The following PCDHGA2 variants were observed in gnomAD, a reference collection of about 807,000 sequenced individuals.
The protein encoded by PCDHGA2 is protocadherin gamma subfamily A, 2.
Under a neutral mutation model 59.2 loss-of-function variants are expected in PCDHGA2, and 40 were observed. The observed-to-expected ratio is 0.68, with a 90% confidence interval of 0.52 to 0.88. PCDHGA2 has a LOEUF of 0.88. Ranked by LOEUF, PCDHGA2 falls within the 40% of genes least tolerant of loss-of-function variation. The pLI, the probability that PCDHGA2 is intolerant of heterozygous loss-of-function variation, is 0.00. For missense variants in PCDHGA2, 1,226 were observed against 1,204.0 expected, an observed-to-expected ratio of 1.02 and a Z score of -0.27; for synonymous variants, 560 against 526.0, an observed-to-expected ratio of 1.06 and a Z score of -0.89.
chr5:141,423,594 C>A, intron 1 of PCDHGA2: 1 of 1,599,308 alleles, frequency 6.3e-7, no homozygotes, highest in South Asian at 1.1e-5. Context: ...GTGAGAAAAG[C>A]GAGCCACTCT....
Position 141,489,214 on chromosome 5 carries a change from T to TA in PCDHGA2, c.2425-5592dup, listed in dbSNP as rs771766565. On this transcript the variant is annotated intron_variant, in intron 1 of 3. Transcript: ENST00000394576. This position sits in a 1 kb window ranked among gnomAD's most constrained non-coding sequence, Gnocchi z 4.5. ...CCTTGGAGACAGGACAGCACAGACTTACTCTCCACAAAGGGACTTCTGGGT... is the reference window on the plus strand; with the variant it reads ...CCTTGGAGACAGGACAGCACAGACTTAACTCTCCACAAAGGGACTTCTGGGT... 216 of 1,480,534 alleles carry TA rather than the reference T, an allele frequency of 1.5e-4. 4 individuals are homozygous for TA. The South Asian group carries it at 2.1e-3, about 14-fold the overall frequency. 91.7% of individuals were successfully genotyped at this position (1,480,534 alleles called of 1,614,324 possible).
intron 1 of PCDHGA2, among the ~76,000 whole-genome samples, chr5:141,439,391 G>A (rs880080): frequency 0.036 from 5,494 of 152,210 alleles, 123 homozygotes; most frequent in South Asian, 0.078. Context: ...TCATCACTTC[G>A]ACTTCATGTG....
rs750182814 is a variant in PCDHGA2, at chr5:141,375,970, G to T, written c.2424+34575G>T. 15 of 1,613,334 alleles carry T rather than the reference G, an allele frequency of 9.3e-6. No homozygotes were observed. The South Asian group carries it at 1.6e-4, about 18-fold the overall frequency. Reference sequence around the variant, plus strand: ...TGCACACGGGCGAGGTGCGCACGGCGCGCGCCCTGCTGGACAGAGACGCGC... The same window carrying T: ...TGCACACGGGCGAGGTGCGCACGGCTCGCGCCCTGCTGGACAGAGACGCGC... On this transcript the variant is annotated intron_variant, in intron 1 of 3. Transcript: ENST00000394576.
chr5:141,450,179 A>G (rs1472867634), intron 1 of PCDHGA2, among the ~76,000 whole-genome samples: 1 of 151,100 alleles, frequency 6.6e-6, no homozygotes, highest in African/African-American at 2.4e-5. Flanking sequence ...CACCACACCC[A>G]GCTAATTTTT....
At chr5:141,388,764 T>A in intron 1 of PCDHGA2, 1 of 1,613,990 alleles carries the variant, frequency 6.2e-7, no homozygotes. Flanking sequence ...TGACCTGAAC[T>A]CTAACACCGG....
At chr5:141,356,895 C>T in intron 1 of PCDHGA2, 1 of 1,614,228 alleles carries the variant, frequency 6.2e-7, no homozygotes. Context: ...TCCTGTACCC[C>T]ACCTTCCCTA....
intron 1 of PCDHGA2, chr5:141,357,489 G>A: frequency 6.2e-7 from 1 of 1,614,212 alleles, no homozygotes. Flanking sequence ...CCGCGGACTC[G>A]CGGAAGAGTC....
intron 1 of PCDHGA2, chr5:141,356,443 G>T: frequency 6.2e-7 from 1 of 1,612,380 alleles, no homozygotes; most frequent in African/African-American, 1.3e-5. Context: ...CAGGGAAGAA[G>T]TCTCAGAATA....
At position 141,357,544 on chromosome 5, in the gene PCDHGA2, C is replaced by T. The variant is rs775530187; in HGVS notation, c.2424+16149C>T. 5 of 1,614,176 alleles carry T rather than the reference C, an allele frequency of 3.1e-6. No homozygotes were observed. In the South Asian group the frequency reaches 3.3e-5, roughly 11 times the overall value. ...CAGCTATGCAGACACGCTCATCAGC[C>T]GGGAGAGTTGTGAGAAAAGCGAGCC... On this transcript the variant is annotated intron_variant, in intron 1 of 3. Coordinates refer to ENST00000394576, the MANE Select transcript of PCDHGA2 (RefSeq NM_018915.4).
At chr5:141,466,528 T>C (rs1171715691) in intron 1 of PCDHGA2, among the ~76,000 whole-genome samples, 1 of 152,204 alleles carries the variant, frequency 6.6e-6, no homozygotes, top group African/African-American at 2.4e-5. Context: ...TCCTCCCAAA[T>C]TGATGTAGAT....
At chr5:141,406,777 C>G (rs1235306644) in intron 1 of PCDHGA2, among the ~76,000 whole-genome samples, 1 of 152,150 alleles carries the variant, frequency 6.6e-6, no homozygotes, top group Non-Finnish European at 1.5e-5. Flanking sequence ...ATTTCTCTCA[C>G]TTATATATTA....
intron 1 of PCDHGA2, chr5:141,395,373 G>C: frequency 8.4e-7 from 1 of 1,189,414 alleles, no homozygotes; most frequent in Non-Finnish European, 1.1e-6. Context: ...TATTTTGGTG[G>C]TGTTACTATA....
rs200411745 is a variant in PCDHGA2, at chr5:141,490,281, C to T, written c.2425-4526C>T. The T allele has an allele frequency of 1.2e-6, 2 of 1,614,070 alleles. No homozygotes were observed. The highest frequency in any genetic ancestry group is 1.3e-5 in the African/African-American group (1 of 74,924). On this transcript the variant is annotated intron_variant, in intron 1 of 3. Transcript: ENST00000394576. This position sits in a 1 kb window ranked among gnomAD's most constrained non-coding sequence, Gnocchi z 5.4. The stretch of plus-strand genomic sequence containing the variant: ...ATGTGGGGGATGTCAATGACAATGC[C>T]CCAGAGGTGCTATTGGCCTCTTTGG...
intron 1 of PCDHGA2, chr5:141,374,690 G>A (rs758543198): frequency 6.2e-7 from 1 of 1,609,720 alleles, no homozygotes; most frequent in Non-Finnish European, 8.5e-7. Flanking sequence ...ACTGGACCGG[G>A]AAGGAGAAGC....
intron 1 of PCDHGA2, among the ~76,000 whole-genome samples, chr5:141,357,904 T>C (rs1760761041): frequency 6.6e-6 from 1 of 152,222 alleles, no homozygotes; most frequent in Non-Finnish European, 1.5e-5. Flanking sequence ...AATTTCCTTT[T>C]CTGTGCTGGG....
intron 1 of PCDHGA2, chr5:141,352,196 G>A (rs1276459569): frequency 1.2e-6 from 2 of 1,613,818 alleles, no homozygotes; most frequent in East Asian, 2.2e-5. Context: ...GCGTGATGGA[G>A]GACAGCCGCC....
rs760714983 is a variant in PCDHGA2 at position 141,389,956 on chromosome 5, T to C, written c.2424+48561T>C. 12 of 1,614,040 alleles carry C rather than the reference T, an allele frequency of 7.4e-6. No homozygotes were observed. In the South Asian group the frequency reaches 7.7e-5, roughly 10 times the overall value. ...CAGGCTGAGCTGCAGTTTTACCTAG[T>C]GGTGGCCTTGGCCTTGATCTCAGTG... is the stretch of plus-strand genomic sequence containing the variant. On this transcript the variant is annotated intron_variant, in intron 1 of 3. Coordinates refer to ENST00000394576, the MANE Select transcript of PCDHGA2 (RefSeq NM_018915.4).
In PCDHGA2 at chr5:141,477,191, A is replaced by G; in HGVS notation, c.2425-17616A>G. ...GGAGATCACAGTCACCTCCGTGTACAGCCCAGTACCCGAGGATGCCCCTCT... is the reference window on the plus strand; with the variant it reads ...GGAGATCACAGTCACCTCCGTGTACGGCCCAGTACCCGAGGATGCCCCTCT... On this transcript the variant is annotated intron_variant, in intron 1 of 3. Transcript: ENST00000394576. This position sits in a 1 kb window ranked among gnomAD's most constrained non-coding sequence, Gnocchi z 4.9. 5.0e-6 allele frequency: 8 copies of G among 1,614,210 alleles called. No homozygotes were observed. The highest frequency in any genetic ancestry group is 6.8e-6 in the Non-Finnish European group (8 of 1,180,044).
At chr5:141,453,544 C>T (rs540372287) in intron 1 of PCDHGA2, among the ~76,000 whole-genome samples, 12 of 152,310 alleles carry the variant, frequency 7.9e-5, no homozygotes, top group African/African-American at 2.9e-4. Flanking sequence ...ATTCACACCA[C>T]ACTCTGTAGA....
Sources: gnomAD v4.1 joint callset for allele counts (sites outside exome capture counted in the v4.1 genomes callset) on GRCh38, gnomAD v4.1.1 for gene constraint, Gnocchi (gnomAD v3.1) non-coding constraint, MANE v1.5 for transcripts, NCBI Gene and HGNC (gene_info 2026-07-23, HGNC 2026-07-21) for gene names.